The following TGM1 variants were observed in gnomAD, a reference collection of about 807,000 sequenced individuals.
TGM1 encodes protein-glutamine gamma-glutamyltransferase K.
A neutral mutation model predicts 88.7 loss-of-function variants in TGM1; 63 were observed. The ratio of observed to expected loss-of-function variants is 0.71; its 90% CI spans 0.58 to 0.88. The LOEUF (loss-of-function observed/expected upper bound fraction) is 0.88. Among genes scored for constraint, TGM1 ranks in the 40% least tolerant of loss-of-function variants. The pLI is 0.00. For missense variants in TGM1, 996 were observed against 1,118.0 expected (o/e 0.89, Z 1.56); for synonymous variants, 415 against 431.1 (o/e 0.96, Z 0.46).
chr14:24,250,148 C>CTGTGTGTGTGTGTG (rs1158480309), intron 14 of TGM1, among the ~76,000 whole-genome samples: 2 of 143,072 alleles, frequency 1.4e-5, no homozygotes, highest in African/African-American at 5.3e-5. Context: ...CCTTATGTCT[C>CTGTGTGTGTGTGTG]TGTGTGTGTG....
chr14:24,258,220 G>A, intron 9 of TGM1, 65 bp downstream of exon 9: 1 of 1,395,958 alleles, frequency 7.2e-7, no homozygotes, highest in Non-Finnish European at 1.0e-6. Context: ...CTGACACTCT[G>A]GACTGTGTTA....
At position 24,259,978 on chromosome 14, in the gene TGM1, C is replaced by T. The variant is rs150181059; in HGVS notation, c.838G>A (p.Glu280Lys). The change falls in exon 5 of 15, where the codon GAA becomes AAA. Residue 280 changes from glutamate to lysine, a missense_variant. By Grantham distance (56) the Glu-to-Lys change is moderately conservative (BLOSUM62 1). Transcript: ENST00000206765. This position sits in a 1 kb window ranked among gnomAD's most constrained non-coding sequence, Gnocchi z 5.7. The stretch of plus-strand genomic sequence containing the variant: ...CAGGTCCGCTCACCAATCTGTGCTT[C>T]GGTCCCGTAGTAAATTCTCCCAGAC... ...NESGRIYYGT[E>K]AQIGERTWNY... 51 of 1,614,090 alleles carry T rather than the reference C, an allele frequency of 3.2e-5. No homozygotes were observed. The highest frequency in any genetic ancestry group is 1.3e-4 in the African/African-American group (10 of 74,930).
chr14:24,252,823 T>A (rs545652581), intron 14 of TGM1, among the ~76,000 whole-genome samples: 63 of 152,322 alleles, frequency 4.1e-4, no homozygotes, highest in South Asian at 1.9e-3. Flanking sequence ...TGTCTGAAGA[T>A]GAAGCCTGCC....
In TGM1 at chr14:24,255,561, C is replaced by A; in HGVS notation, c.1492-44G>T. The A allele has an allele frequency of 1.9e-6, 3 of 1,610,666 alleles. No individual in the cohort carries two copies. Among genetic ancestry groups the A allele is most frequent in the Non-Finnish European group, 1.7e-6 (2 of 1,179,538 alleles). ...AGCAGGAATGAGTGAGCCAGAGGGT[C>A]TGAGGGTGGCCTGACTCCCGGCCTC... is the stretch of plus-strand genomic sequence containing the variant. On this transcript the variant is annotated intron_variant, in intron 10 of 14. Transcript: ENST00000206765. The surrounding 1 kb of genome is among the most constrained non-coding windows in gnomAD (Gnocchi z 4.0).
chr14:24,253,985 GT>G, intron 14 of TGM1, 166 bp downstream of exon 14: 1 of 885,258 alleles, frequency 1.1e-6, no homozygotes, highest in East Asian at 2.7e-5. Context: ...CTAAAGGCTG[GT>G]GGGACTGAGC....
intron 1 of TGM1, 37 bp downstream of exon 1, chr14:24,263,052 T>G (rs1349359372): frequency 6.4e-6 from 1 of 155,244 alleles, no homozygotes; most frequent in East Asian, 1.9e-4. Context: ...GTGGGCCGCC[T>G]GGACTCGGCA....
chr14:24,260,832 T>C, intron 3 of TGM1, 134 bp from the exon 4 acceptor site: 1 of 1,172,522 alleles, frequency 8.5e-7, no homozygotes, highest in Non-Finnish European at 1.2e-6. Flanking sequence ...ATCACCTTAT[T>C]CTCTGACAGT....
intron 14 of TGM1, among the ~76,000 whole-genome samples, chr14:24,253,497 ACACGGGGTCT>A (rs1056155805): frequency 6.6e-6 from 1 of 152,094 alleles, no homozygotes; most frequent in African/African-American, 2.4e-5. Flanking sequence ...AGAGAGAGAC[ACACGGGGTCT>A]CACTCTGTCG....
In TGM1 at chr14:24,259,134, C is replaced by T. The variant is rs139949065; in HGVS notation, c.1100G>A (p.Arg367His). ...GSVEILLSYL[R>H]TGYSVPYGQC... ...GCCATAGGGGACGGAATATCCCGTG[C>T]GTAGGTAGCTAAGCAGGATCTCCAC... The change falls in exon 7 of 15, where the codon CGC becomes CAC. Residue 367 changes from arginine (R) to histidine (H), a missense_variant. Transcript: ENST00000206765. The surrounding 1 kb of genome is among the most constrained non-coding windows in gnomAD (Gnocchi z 5.7). 4.3e-5 allele frequency: 69 copies of T among 1,614,024 alleles called. 1 individual carries two copies. Among genetic ancestry groups the T allele is most frequent in the South Asian group, 1.8e-4 (16 of 91,086 alleles).
Position 24,255,551 on chromosome 14 carries a change from G to C in TGM1, c.1492-34C>G. ...GGTGGGGGTGAGCAGGAATGAGTGA[G>C]CCAGAGGGTCTGAGGGTGGCCTGAC... On this transcript the variant is annotated intron_variant, in intron 10 of 14. Transcript: ENST00000206765. This position sits in a 1 kb window ranked among gnomAD's most constrained non-coding sequence, Gnocchi z 4.0. 4 of 1,611,814 alleles carry C rather than the reference G, an allele frequency of 2.5e-6. No individual in the cohort carries two copies. Among genetic ancestry groups the C allele is most frequent in the African/African-American group, 1.3e-5 (1 of 75,002 alleles).
In TGM1 at chr14:24,256,060, G is replaced by A. The variant is rs1202280089; in HGVS notation, c.1420C>T (p.Pro474Ser). 1.9e-5 allele frequency: 30 copies of A among 1,567,926 alleles called. No homozygotes were observed. The highest frequency in any genetic ancestry group is 2.6e-5 in the Non-Finnish European group (30 of 1,155,266). The change falls in exon 10 of 15, where the codon CCC becomes TCC. Residue 474 changes from proline (P) to serine (S), a missense_variant. Physicochemically the swap from Pro to Ser is moderately conservative, Grantham distance 74. Transcript: ENST00000206765. ...TTCTTGATGGACTCCACAGAGCAGG[G>A]GCCGCAGCAGAAGATGCCTAGAGAG... ...ETSSGIFCCG[P>S]CSVESIKNGL... is the part of the protein sequence containing the mutation.
chr14:24,256,831 A>G (rs1046852895), intron 9 of TGM1, among the ~76,000 whole-genome samples: 4 of 152,200 alleles, frequency 2.6e-5, no homozygotes, highest in Non-Finnish European at 4.4e-5. Context: ...TGCAGGGAGA[A>G]TGAAAGGAGC....
In TGM1 at chr14:24,259,525, G is replaced by A. The variant is rs528082860; in HGVS notation, c.984+179C>T. On this transcript the variant is annotated intron_variant, in intron 6 of 14. Coordinates refer to ENST00000206765, the MANE Select transcript of TGM1 (RefSeq NM_000359.3). The surrounding 1 kb of genome is among the most constrained non-coding windows in gnomAD (Gnocchi z 5.7). Reference sequence around the variant, plus strand: ...AGCTGGGACAGGAGCCAGGAAAGGCGGGGTGGGGGGCAGGCAAGGGAGAGA... The same window carrying A: ...AGCTGGGACAGGAGCCAGGAAAGGCAGGGTGGGGGGCAGGCAAGGGAGAGA... 1.3e-5 allele frequency among the ~76,000 whole-genome samples: 2 copies of A among 152,180 alleles called. No individual in the cohort carries two copies. Among genetic ancestry groups the A allele is most frequent in the Non-Finnish European group, 1.5e-5 (1 of 68,036 alleles).
chr14:24,252,340 C>G (rs2040707843), intron 14 of TGM1, among the ~76,000 whole-genome samples: 1 of 152,226 alleles, frequency 6.6e-6, no homozygotes, highest in Non-Finnish European at 1.5e-5. Flanking sequence ...CAGCTAAAGA[C>G]AGGAAACAGG....
Position 24,260,677 on chromosome 14 carries a change from T to C in TGM1, c.530A>G (p.Lys177Arg). The C allele has an allele frequency of 6.2e-7, 1 of 1,614,108 alleles. No homozygotes were observed. The change falls in exon 4 of 15, where the codon AAG becomes AGG. Residue 177 changes from lysine to arginine, a missense_variant. Lys to Arg is a conservative substitution (Grantham distance 26). Coordinates refer to ENST00000206765, the MANE Select transcript of TGM1 (RefSeq NM_000359.3). ...CACTGGGATGATCACGTGCGTGCCC[T>C]TGCCCACCTCGGGGTTGTTTCCTAG... Reference protein sequence around the residue: ...LLIGNNPEVGKGTHVIIPVGK... With the variant: ...LLIGNNPEVGRGTHVIIPVGK...
intron 14 of TGM1, among the ~76,000 whole-genome samples, chr14:24,252,435 T>C (rs574094723): frequency 1.3e-5 from 2 of 152,328 alleles, no homozygotes; most frequent in South Asian, 2.1e-4. Flanking sequence ...CTGAGGCAAG[T>C]CCAGCTCTGC....
At chr14:24,252,012 C>T (rs1319808948) in intron 14 of TGM1, among the ~76,000 whole-genome samples, 1 of 152,194 alleles carries the variant, frequency 6.6e-6, no homozygotes, top group Non-Finnish European at 1.5e-5. Flanking sequence ...GTGGTGACAA[C>T]AGCCATCTGG....
rs1226885311 is a variant in TGM1 at position 24,254,165 on chromosome 14, T to C, written c.2212A>G (p.Ile738Val). ...LEGSGLQRPK[I>V]LNVGDIGGNE... The stretch of plus-strand genomic sequence containing the variant: ...GGCCAGACTCACCCAACGTTGAGGA[T>C]CTTGGGCCTCTGTAACCCAGAGCCT... The change falls in exon 14 of 15, where the codon ATC (isoleucine) becomes GTC (valine). Residue 738 changes from isoleucine to valine, a missense_variant. Transcript: ENST00000206765. The C allele has an allele frequency of 1.2e-6, 2 of 1,612,056 alleles. No homozygotes were observed. Among genetic ancestry groups the C allele is most frequent in the Admixed American group, 1.7e-5 (1 of 59,692 alleles).
chr14:24,255,881 A>G lies in TGM1; in HGVS notation c.1491+108T>C, dbSNP rs1246624257. The G allele has an allele frequency of 1.2e-5, 10 of 859,648 alleles. 1 individual carries two copies. The Middle Eastern group carries it at 7.9e-4, about 68-fold the overall frequency. 53.3% of individuals were successfully genotyped at this position (859,648 alleles called of 1,614,324 possible). ...TTTACAGGTGAGGAAACTGACTTGT[A>G]TAATGAGTGACTTGCCCCGGGTCGC... On this transcript the variant is annotated intron_variant, in intron 10 of 14. Transcript: ENST00000206765. The surrounding 1 kb of genome is among the most constrained non-coding windows in gnomAD (Gnocchi z 4.0).
Sources: allele counts gnomAD v4.1 joint callset (sites outside exome capture counted in the v4.1 genomes callset), GRCh38; gene constraint gnomAD v4.1.1; non-coding constraint Gnocchi (gnomAD v3.1); transcripts MANE v1.5; gene names NCBI Gene and HGNC (gene_info 2026-07-23, HGNC 2026-07-21).